The following TIMM44 variants were observed in gnomAD, a reference collection of about 807,000 sequenced individuals.
The protein encoded by TIMM44 is mitochondrial import inner membrane translocase subunit TIM44.
Under a neutral mutation model 63.8 loss-of-function variants are expected in TIMM44, and 37 were observed. The ratio of observed to expected loss-of-function variants is 0.58; its 90% CI spans 0.45 to 0.76. The LOEUF is 0.76. Ranked by LOEUF, TIMM44 falls within the 30% of genes least tolerant of loss-of-function variation. The pLI is 0.00. For missense variants in TIMM44, 573 were observed against 603.8 expected, an observed-to-expected ratio of 0.95 and a Z score of 0.54; for synonymous variants, 239 against 245.1, an observed-to-expected ratio of 0.98 and a Z score of 0.23.
At position 7,938,017 on chromosome 19, in the gene TIMM44, A is replaced by C. The variant is rs201445372; in HGVS notation, c.312+10T>G. The C allele has an allele frequency of 3.8e-4, 608 of 1,613,914 alleles. 1 individual carries two copies. The highest frequency in any genetic ancestry group is 6.7e-4 in the Admixed American group (40 of 59,988). The stretch of plus-strand genomic sequence containing the variant: ...TGGGTGAGGGAAAAAAAAGCAGCAA[A>C]GAAACTCACGTATTTCCTTCTGGCC... On this transcript the variant is annotated intron_variant, in intron 3 of 12. Transcript: ENST00000270538.
chr19:7,933,744 T>C lies in TIMM44; in HGVS notation c.683+120A>G. The C allele has an allele frequency of 6.6e-7, 1 of 1,511,554 alleles. No homozygotes were observed. Among genetic ancestry groups the C allele is most frequent in the Non-Finnish European group, 9.1e-7 (1 of 1,095,372 alleles). The allele number at this position is 1,511,554 out of a possible 1,614,324, so 93.6% of individuals were successfully genotyped here. A position where few individuals can be genotyped will look rare whatever the true frequency, so the allele number is the denominator to read the frequency against. ...CTCAAATTCGAGGGAGCCGGGAACC[T>C]TGGGCAGAAGGCAAACTCAAGAAAC... On this transcript the variant is annotated intron_variant, in intron 6 of 12. Transcript: ENST00000270538. The surrounding 1 kb of genome is among the most constrained non-coding windows in gnomAD (Gnocchi z 4.3).
intron 10 of TIMM44, among the ~76,000 whole-genome samples, chr19:7,930,689 T>C (rs1318786761): frequency 6.6e-6 from 1 of 152,020 alleles, no homozygotes; most frequent in African/African-American, 2.4e-5. Flanking sequence ...GCTCAAGCAA[T>C]CTCCCGCCTT....
At chr19:7,935,958 C>T (rs1462364474) in intron 3 of TIMM44, among the ~76,000 whole-genome samples, 1 of 152,072 alleles carries the variant, frequency 6.6e-6, no homozygotes, top group Admixed American at 6.6e-5. Flanking sequence ...AGTTCGAGAC[C>T]AGCACAGGCA....
In TIMM44 at chr19:7,927,365, G is replaced by T. The variant is rs907651377; in HGVS notation, c.1240-59C>A. ...GGGTTGAGGTGACCCAGGCAGCTCT[G>T]GGGGGGGGCCAGGCTCTGTGGGGCA... On this transcript the variant is annotated intron_variant, in intron 12 of 12. Transcript: ENST00000270538. The T allele has an allele frequency of 4.5e-5, 38 of 844,354 alleles. No individual in the cohort carries two copies. The South Asian group carries it at 5.1e-4, about 11-fold the overall frequency. 52.3% of individuals were successfully genotyped at this position (844,354 alleles called of 1,614,324 possible).
Position 7,927,760 on chromosome 19 carries a change from A to AT in TIMM44, c.1135dup (p.Met379AsnfsTer34). 1 of 1,611,370 alleles carries AT rather than the reference A, an allele frequency of 6.2e-7. No homozygotes were observed. The highest frequency in any genetic ancestry group is 8.5e-7 in the Non-Finnish European group (1 of 1,179,974). ...CGGCCCCTGCTCCATCATCTTGCCC[A>AT]TGGCCAGCTGCAGAGGGGCCGAGAG... On this transcript the variant is annotated frameshift_variant, in exon 12 of 13. Transcript: ENST00000270538. LOFTEE classifies it high-confidence loss of function.
In TIMM44 at chr19:7,933,646, G is replaced by A; in HGVS notation, c.684-76C>T. On this transcript the variant is annotated intron_variant, in intron 6 of 12. Transcript: ENST00000270538. The surrounding 1 kb of genome is among the most constrained non-coding windows in gnomAD (Gnocchi z 4.3). ...GTGCCCTCCTGCGGCTGCAGGCAGG[G>A]GGCAGTACAGGACAGCAGGCAGCTG... 8 of 1,393,190 alleles carry A rather than the reference G, an allele frequency of 5.7e-6. No homozygotes were observed. Among genetic ancestry groups the A allele is most frequent in the Non-Finnish European group, 8.2e-6 (8 of 980,336 alleles). The allele number at this position is 1,393,190 out of a possible 1,614,324, so 86.3% of individuals were successfully genotyped here.
intron 9 of TIMM44, 72 bp from the exon 10 acceptor site, chr19:7,931,260 A>G: frequency 7.1e-7 from 1 of 1,406,022 alleles, no homozygotes. Context: ...TCCTGGGAAC[A>G]TTCTCCAGTG....
chr19:7,927,318 G>C lies in TIMM44; in HGVS notation c.1240-12C>G. 2 of 1,609,392 alleles carry C rather than the reference G, an allele frequency of 1.2e-6. No individual in the cohort carries two copies. The highest frequency in any genetic ancestry group is 1.7e-6 in the Non-Finnish European group (2 of 1,179,944). On this transcript the variant is annotated splice_polypyrimidine_tract_variant and intron_variant, in intron 12 of 12. Coordinates refer to ENST00000270538, the MANE Select transcript of TIMM44 (RefSeq NM_006351.4). Reference sequence around the variant, plus strand: ...CGCAGCACCTTGTCCTGCAGGGTGGGGTGGGAAGGGCACTGTTGAGAGGGT... The same window carrying C: ...CGCAGCACCTTGTCCTGCAGGGTGGCGTGGGAAGGGCACTGTTGAGAGGGT...
At chr19:7,942,987 C>G (rs1984352627) in intron 1 of TIMM44, among the ~76,000 whole-genome samples, 1 of 147,882 alleles carries the variant, frequency 6.8e-6, no homozygotes, top group Non-Finnish European at 1.5e-5. Flanking sequence ...TTGCAGTGAG[C>G]CGAGATCGCG....
At chr19:7,932,235 C>T (rs1984005592) in intron 9 of TIMM44, 2 of 259,496 alleles carry the variant, frequency 7.7e-6, no homozygotes, top group Non-Finnish European at 1.5e-5. Context: ...CTCACGGCTG[C>T]AGCTCTGGGT....
Position 7,926,742 on chromosome 19 carries a change from A to G in TIMM44, c.*445T>C. 1 of 226,532 alleles carries G rather than the reference A, an allele frequency of 4.4e-6. No homozygotes were observed. Among genetic ancestry groups the G allele is most frequent in the African/African-American group, 2.3e-5 (1 of 43,468 alleles). The allele number at this position is 226,532 out of a possible 1,614,324, so 14.0% of individuals were successfully genotyped here. On this transcript the variant is annotated 3_prime_UTR_variant, in exon 13 of 13. Coordinates refer to ENST00000270538, the MANE Select transcript of TIMM44 (RefSeq NM_006351.4). Reference sequence around the variant, plus strand: ...CTGCTCTTCTGCAATTCGGTGTTTTATTCTTTCCAAATCTCAGGCTTATGC... The same window carrying G: ...CTGCTCTTCTGCAATTCGGTGTTTTGTTCTTTCCAAATCTCAGGCTTATGC...
In TIMM44 at chr19:7,933,347, G is replaced by T. The variant is rs1057171481; in HGVS notation, c.769+138C>A. ...AGCCCCACCATCATGTGACCGCAAAGAAGTGACCGGCCCACTCTGACCCCG... is the reference window on the plus strand; with the variant it reads ...AGCCCCACCATCATGTGACCGCAAATAAGTGACCGGCCCACTCTGACCCCG... On this transcript the variant is annotated intron_variant, in intron 7 of 12. Coordinates refer to ENST00000270538, the MANE Select transcript of TIMM44 (RefSeq NM_006351.4). The surrounding 1 kb of genome is among the most constrained non-coding windows in gnomAD (Gnocchi z 4.3). The T allele has an allele frequency of 2.4e-6, 2 of 829,458 alleles. No individual in the cohort carries two copies. Among genetic ancestry groups the T allele is most frequent in the East Asian group, 4.8e-5 (2 of 41,408 alleles). The allele number at this position is 829,458 out of a possible 1,614,324, so 51.4% of individuals were successfully genotyped here.
intron 2 of TIMM44, among the ~76,000 whole-genome samples, chr19:7,940,182 G>A (rs531852859): frequency 4.6e-5 from 7 of 151,342 alleles, no homozygotes; most frequent in Non-Finnish European, 5.9e-5. Context: ...GCAGTGAGCC[G>A]TGATAGTGCC....
chr19:7,933,420 A>T lies in TIMM44; in HGVS notation c.769+65T>A. On this transcript the variant is annotated intron_variant, in intron 7 of 12. Coordinates refer to ENST00000270538, the MANE Select transcript of TIMM44 (RefSeq NM_006351.4). This position sits in a 1 kb window ranked among gnomAD's most constrained non-coding sequence, Gnocchi z 4.3. ...GCTGTCTTGTGCCCAATGCAGGGGG[A>T]TCACCTTGCGGTCCACCAACTGCCC... 1 of 1,420,342 alleles carries T rather than the reference A, an allele frequency of 7.0e-7. No homozygotes were observed. The highest frequency in any genetic ancestry group is 1.0e-6 in the Non-Finnish European group (1 of 1,003,160). The allele number at this position is 1,420,342 out of a possible 1,614,324, so 88.0% of individuals were successfully genotyped here.
chr19:7,933,440 C>T lies in TIMM44; in HGVS notation c.769+45G>A, dbSNP rs1284872761. On this transcript the variant is annotated intron_variant, in intron 7 of 12. Coordinates refer to ENST00000270538, the MANE Select transcript of TIMM44 (RefSeq NM_006351.4). The surrounding 1 kb of genome is among the most constrained non-coding windows in gnomAD (Gnocchi z 4.3). Reference sequence around the variant, plus strand: ...GGGGGATCACCTTGCGGTCCACCAACTGCCCGGGACACAGTCACCTGCCCT... The same window carrying T: ...GGGGGATCACCTTGCGGTCCACCAATTGCCCGGGACACAGTCACCTGCCCT... 6.4e-7 allele frequency: 1 copy of T among 1,572,430 alleles called. No homozygotes were observed. The highest frequency in any genetic ancestry group is 1.3e-5 in the African/African-American group (1 of 74,208).
chr19:7,934,003 C>G lies in TIMM44; in HGVS notation c.544G>C (p.Gly182Arg). 2 of 1,614,028 alleles carry G rather than the reference C, an allele frequency of 1.2e-6. No individual in the cohort carries two copies. The highest frequency in any genetic ancestry group is 1.7e-6 in the Non-Finnish European group (2 of 1,180,020). ...RTAAFRALSQ[G>R]VESVKKEIDD... ...ATTTCCTTCTTCACGGACTCCACCC[C>G]CTGCGAGGGAGGCACAGCGGGGCTG... Residue 182 changes from glycine (G) to arginine (R), a missense_variant and splice_region_variant, in exon 6 of 13, where the codon GGG becomes CGG. Transcript: ENST00000270538. This position sits in a 1 kb window ranked among gnomAD's most constrained non-coding sequence, Gnocchi z 5.3.
In TIMM44 at chr19:7,941,748, G is replaced by A. The variant is rs1984318214; in HGVS notation, c.46-551C>T. Among the ~76,000 whole-genome samples the A allele has an allele frequency of 2.0e-5, 3 of 152,122 alleles. No individual in the cohort carries two copies. In the East Asian group the frequency reaches 5.8e-4, roughly 30 times the overall value. The stretch of plus-strand genomic sequence containing the variant: ...CGTGCCCCTGAAACTGGGGGAAAAC[G>A]GACAGGTCCCAGGAAATGCCAACCC... On this transcript the variant is annotated intron_variant, in intron 1 of 12. Coordinates refer to ENST00000270538, the MANE Select transcript of TIMM44 (RefSeq NM_006351.4).
intron 1 of TIMM44, among the ~76,000 whole-genome samples, chr19:7,941,868 GAGCCCACCCCATTTCTGCC>G (rs1365264741): frequency 6.6e-6 from 1 of 152,138 alleles, no homozygotes; most frequent in Non-Finnish European, 1.5e-5. Flanking sequence ...CTTCTCTTGC[GAGCCCACCCCATTTCTGCC>G]AGCCTCCAAA....
intron 2 of TIMM44, among the ~76,000 whole-genome samples, chr19:7,940,862 G>A (rs562210001): frequency 3.9e-5 from 6 of 152,072 alleles, no homozygotes; most frequent in African/African-American, 1.4e-4. Context: ...CCAACATAAA[G>A]GGCTATTCTG....
Sources: allele counts gnomAD v4.1 joint callset (sites outside exome capture counted in the v4.1 genomes callset), GRCh38; gene constraint gnomAD v4.1.1; non-coding constraint Gnocchi (gnomAD v3.1); transcripts MANE v1.5; gene names NCBI Gene and HGNC (gene_info 2026-07-23, HGNC 2026-07-21).